PHF20L1: variants seen among roughly 807,000 people sequenced by gnomAD.
The protein encoded by PHF20L1 is PHD finger protein 20-like protein 1.
Under a neutral mutation model 125.5 loss-of-function variants are expected in PHF20L1, and 44 were observed. The observed-to-expected ratio is 0.35, with a 90% CI of 0.28 to 0.45. The LOEUF is 0.45. Ranked by LOEUF, PHF20L1 falls within the 20% of genes least tolerant of loss-of-function variation. The probability of loss-of-function intolerance (pLI) is 1.00; values close to 1 mark genes in which losing one functional copy is unlikely to be tolerated. For synonymous variants in PHF20L1, 380 were observed against 403.1 expected (o/e 0.94, Z 0.69); for missense variants, 1,012 against 1,217.2 (o/e 0.83, Z 2.51).
chr8:132,809,365 C>A (rs1834104169), intron 8 of PHF20L1: 1 of 152,122 alleles, frequency 6.6e-6, no homozygotes, highest in Non-Finnish European at 1.5e-5. Flanking sequence ...TGGTGTTTCA[C>A]CGTGTTGGCC....
chr8:132,832,996 C>G (rs1339806730), intron 15 of PHF20L1, among the ~76,000 whole-genome samples: 3 of 152,044 alleles, frequency 2.0e-5, no homozygotes, highest in Non-Finnish European at 2.9e-5. Context: ...GTTAGACTTT[C>G]CTGCAGGTCC....
intron 7 of PHF20L1, 28 bp downstream of exon 7, chr8:132,804,060 CT>C: frequency 7.1e-7 from 1 of 1,403,846 alleles, no homozygotes; most frequent in Non-Finnish European, 1.0e-6. Flanking sequence ...ACGTTAATTC[CT>C]TATGACACTG....
At chr8:132,794,369 A>T in intron 2 of PHF20L1, 41 bp from the exon 3 acceptor site, 1 of 1,283,602 alleles carries the variant, frequency 7.8e-7, no homozygotes, top group Non-Finnish European at 1.1e-6. Context: ...ATAAACAAAT[A>T]TAAGGATTTT....
At chr8:132,776,890 A>C (rs1185856598) in intron 1 of PHF20L1, among the ~76,000 whole-genome samples, 1 of 152,226 alleles carries the variant, frequency 6.6e-6, no homozygotes, top group Non-Finnish European at 1.5e-5. Flanking sequence ...GGTTATCTCA[A>C]AATGTATTCA....
chr8:132,824,036 G>T lies in PHF20L1; in HGVS notation c.1612G>T (p.Glu538Ter). Reference protein sequence around the residue: ...ISKTEKKVKLEDKSSTAFGKR... With the variant: ...ISKTEKKVKL ...GAAAACAGAAAAAAAAGTGAAATTG[G>T]AAGACAAAAGCTCAACAGCATTTGG... Residue 538 changes from glutamate to a stop codon, truncating the protein, a stop_gained, in exon 13 of 21, where the codon GAA (glutamate) becomes TAA (stop). Coordinates refer to ENST00000395386, the MANE Select transcript of PHF20L1 (RefSeq NM_016018.5). LOFTEE classifies it high-confidence loss of function. 1 of 1,600,620 alleles carries T rather than the reference G, an allele frequency of 6.2e-7. No homozygotes were observed. Among genetic ancestry groups the T allele is most frequent in the Non-Finnish European group, 8.5e-7 (1 of 1,170,322 alleles).
rs769300632 is a variant in PHF20L1, at chr8:132,845,965, C to T, written c.*42C>T. 1.3e-6 allele frequency: 2 copies of T among 1,537,206 alleles called. No homozygotes were observed. The highest frequency in any genetic ancestry group is 3.5e-5 in the Admixed American group (2 of 57,486). ...ATGAAAGAATGTGGCTTTCTTCAGT[C>T]AAAGCATTTTTATTATCCACGTGAT... On this transcript the variant is annotated 3_prime_UTR_variant, in exon 21 of 21. Transcript: ENST00000395386.
chr8:132,817,540 C>T lies in PHF20L1; in HGVS notation c.1574C>T (p.Ala525Val). Residue 525 changes from alanine (A) to valine (V), a missense_variant, in exon 12 of 21, where the codon GCA becomes GTA. Coordinates refer to ENST00000395386, the MANE Select transcript of PHF20L1 (RefSeq NM_016018.5). Reference sequence around the variant, plus strand: ...GCTGATGGAAGAGGAGCTCCAGCAGCAGCAGGTAAAAGAAAAAAAATAAAG... The same window carrying T: ...GCTGATGGAAGAGGAGCTCCAGCAGTAGCAGGTAAAAGAAAAAAAATAAAG... The part of the protein sequence containing the change: ...AIADGRGAPA[A>V]AGISKTEKKV... 1 of 1,607,842 alleles carries T rather than the reference C, an allele frequency of 6.2e-7. No homozygotes were observed. Among genetic ancestry groups the T allele is most frequent in the Non-Finnish European group, 8.5e-7 (1 of 1,177,174 alleles).
At chr8:132,795,103 C>G (rs1224010487) in intron 4 of PHF20L1, among the ~76,000 whole-genome samples, 1 of 152,102 alleles carries the variant, frequency 6.6e-6, no homozygotes, top group African/African-American at 2.4e-5. Flanking sequence ...TTCTACTTCT[C>G]TGTTTCTAGT....
chr8:132,808,959 G>C (rs1488569680), intron 8 of PHF20L1: 1 of 151,544 alleles, frequency 6.6e-6, no homozygotes, highest in African/African-American at 2.4e-5. Context: ...AACTCACCCA[G>C]CTCGGCCTCC....
chr8:132,845,209 A>G (rs977614267), intron 20 of PHF20L1, among the ~76,000 whole-genome samples: 3 of 152,138 alleles, frequency 2.0e-5, no homozygotes, highest in Non-Finnish European at 4.4e-5. Context: ...ACTATAGAAT[A>G]TAATCAATTG....
At chr8:132,777,249 A>C (rs976505081) in intron 1 of PHF20L1, among the ~76,000 whole-genome samples, 15 of 152,216 alleles carry the variant, frequency 9.9e-5, no homozygotes, top group African/African-American at 3.6e-4. Context: ...CCCAAGAGGA[A>C]TTAGTGGTAT....
intron 2 of PHF20L1, among the ~76,000 whole-genome samples, chr8:132,792,354 A>C (rs2131427225): frequency 6.6e-6 from 1 of 152,308 alleles, no homozygotes; most frequent in East Asian, 1.9e-4. Context: ...ACAAAACCAG[A>C]GCAACACTGC....
chr8:132,829,095 A>T lies in PHF20L1; in HGVS notation c.1745-3140A>T, dbSNP rs569981055. Among the ~76,000 whole-genome samples, 8 of 152,192 alleles carry T rather than the reference A, an allele frequency of 5.3e-5. No individual in the cohort carries two copies. The East Asian group carries it at 1.6e-3, about 30-fold the overall frequency. On this transcript the variant is annotated intron_variant, in intron 14 of 20. Coordinates refer to ENST00000395386, the MANE Select transcript of PHF20L1 (RefSeq NM_016018.5). ...CTTTTATTCATAATAGCCAGAGGGA[A>T]TTGAAGTGGGGAATACAGACAGGGT...
intron 9 of PHF20L1, among the ~76,000 whole-genome samples, chr8:132,813,840 T>A (rs912962853): frequency 6.6e-6 from 1 of 151,978 alleles, no homozygotes; most frequent in Non-Finnish European, 1.5e-5. Context: ...ATAAAAATGA[T>A]CTTTTATGAA....
In PHF20L1 at chr8:132,797,710, G is replaced by A. The variant is rs528429033; in HGVS notation, c.341-1062G>A. 2.4e-4 allele frequency among the ~76,000 whole-genome samples: 37 copies of A among 152,010 alleles called. No homozygotes were observed. The South Asian group carries it at 6.2e-3, about 26-fold the overall frequency. The stretch of plus-strand genomic sequence containing the variant: ...TTTATATCTGTGAAATTCAACGTTA[G>A]GCTAATTATAGAAAGAAATAAAATC... On this transcript the variant is annotated intron_variant, in intron 4 of 20. Transcript: ENST00000395386.
chr8:132,840,847 A>G (rs1165371990), intron 18 of PHF20L1, among the ~76,000 whole-genome samples: 1 of 152,038 alleles, frequency 6.6e-6, no homozygotes, highest in African/African-American at 2.4e-5. Flanking sequence ...TCCCCTTACT[A>G]AGTCATGGGA....
At chr8:132,837,561 A>G (rs1837501861) in intron 16 of PHF20L1, 151 bp from the exon 17 acceptor site, 1 of 589,998 alleles carries the variant, frequency 1.7e-6, no homozygotes, top group Admixed American at 2.6e-5. Flanking sequence ...ATCTTAAGTC[A>G]TGGCTTGATT....
At chr8:132,837,376 C>T (rs1837478474) in intron 16 of PHF20L1, among the ~76,000 whole-genome samples, 1 of 151,808 alleles carries the variant, frequency 6.6e-6, no homozygotes, top group South Asian at 2.1e-4. Flanking sequence ...ACTTTTTTTT[C>T]CCCTAATTTC....
intron 8 of PHF20L1, chr8:132,809,353 G>C (rs747503696): frequency 3.3e-5 from 5 of 152,074 alleles, no homozygotes; most frequent in Non-Finnish European, 5.9e-5. Context: ...TTTTAGTAGA[G>C]ATGGTGTTTC....
Sources: allele counts gnomAD v4.1 joint callset (sites outside exome capture counted in the v4.1 genomes callset), GRCh38; gene constraint gnomAD v4.1.1; transcripts MANE v1.5; gene names NCBI Gene and HGNC (gene_info 2026-07-23, HGNC 2026-07-21).